Variants in CLEC12A observed in about 807,000 individuals in gnomAD.
CLEC12A encodes the protein C-type lectin domain family 12 member A.
CLEC12A carries 22 observed loss-of-function variants against 26.5 expected under a neutral mutation model. The observed-to-expected ratio is 0.83, with a 90% CI of 0.59 to 1.19. CLEC12A has a LOEUF of 1.19. Ranked by LOEUF, CLEC12A falls within the 50% of genes most tolerant of loss-of-function variation. The pLI is 0.00. For synonymous variants in CLEC12A, 119 were observed against 101.9 expected, an observed-to-expected ratio of 1.17 and a Z score of -1.01; for missense variants, 353 against 315.6, an observed-to-expected ratio of 1.12 and a Z score of -0.90.
At chr12:9,965,662 C>G (rs943619023) in intron 1 of CLEC12A, among the ~76,000 whole-genome samples, 1 of 151,960 alleles carries the variant, frequency 6.6e-6, no homozygotes, top group Non-Finnish European at 1.5e-5. Flanking sequence ...GTTGATAAGG[C>G]ACAGATCCTG....
At chr12:9,957,490 CAA>C (rs58810746) in intron 1 of CLEC12A, among the ~76,000 whole-genome samples, 27 of 125,014 alleles carry the variant, frequency 2.2e-4, no homozygotes, top group South Asian at 5.3e-4. Context: ...GACTTCATCT[CAA>C]AAAAAAAAAA....
chr12:9,974,248 C>A (rs1864244673), intron 1 of CLEC12A, among the ~76,000 whole-genome samples: 1 of 152,184 alleles, frequency 6.6e-6, no homozygotes, highest in Non-Finnish European at 1.5e-5. Context: ...CTTCTCCTGT[C>A]ACCATGCCTG....
chr12:9,975,131 A>T (rs1864285860), intron 1 of CLEC12A, among the ~76,000 whole-genome samples: 1 of 152,182 alleles, frequency 6.6e-6, no homozygotes, highest in Non-Finnish European at 1.5e-5. Flanking sequence ...TAAATTACCC[A>T]GTTGTGGGTA....
downstream of CLEC12A, among the ~76,000 whole-genome samples, chr12:9,990,422 CAA>C (rs746192326): frequency 2.6e-5 from 4 of 152,274 alleles, no homozygotes; most frequent in Middle Eastern, 3.4e-3. Flanking sequence ...TGCAGGCGTT[CAA>C]GACTTCAGTG....
rs1362629106 is a variant in CLEC12A, at chr12:9,971,547, C to A, written c.-50C>A. On this transcript the variant is annotated 5_prime_UTR_variant, in exon 1 of 6. Transcript: ENST00000304361. ...TAACATTCAGCTCTGTTAACTCACT[C>A]ATCTTTTTGTGTTTTTACACTTTGT... is the stretch of plus-strand genomic sequence containing the variant. 8 of 1,580,342 alleles carry A rather than the reference C, an allele frequency of 5.1e-6. No homozygotes were observed. The highest frequency in any genetic ancestry group is 1.2e-5 in the South Asian group (1 of 84,580).
intron 1 of CLEC12A, among the ~76,000 whole-genome samples, chr12:9,954,036 A>C (rs1267383671): frequency 1.5e-4 from 22 of 142,280 alleles, no homozygotes; most frequent in East Asian, 2.0e-4. Flanking sequence ...GTCATCACCA[A>C]TCCCTAATCT....
chr12:9,976,006 G>C lies in CLEC12A; in HGVS notation c.92-2960G>C, dbSNP rs140357699. On this transcript the variant is annotated intron_variant, in intron 1 of 5. Transcript: ENST00000304361. ...GCCTTTGAGTGCACAGAAGTCAAGA[G>C]TTGGGTTTTGGGAACCTCTGTCTAG... 8.2e-3 allele frequency among the ~76,000 whole-genome samples: 1,245 copies of C among 152,342 alleles called. 8 individuals carry two copies. The highest frequency in any genetic ancestry group is 0.013 in the Non-Finnish European group (912 of 68,028).
chr12:9,979,858 C>T (rs1864482167), intron 3 of CLEC12A, among the ~76,000 whole-genome samples: 1 of 152,022 alleles, frequency 6.6e-6, no homozygotes, highest in African/African-American at 2.4e-5. Flanking sequence ...CACCTCTTTA[C>T]AGGTGACTTC....
the CLEC12A span, among the ~76,000 whole-genome samples, chr12:10,001,369 A>G: frequency 2.0e-3 from 311 of 152,302 alleles, 1 homozygote; most frequent in African/African-American, 7.3e-3. Flanking sequence ...TTCCTTTCCT[A>G]TATCTCAGGC....
At chr12:9,995,215 C>A in exon 5 of CLEC12A, 3 of 1,612,956 alleles carry the variant, frequency 1.9e-6, no homozygotes, top group Non-Finnish European at 2.5e-6. Context: ...TCCGACCCAA[C>A]GAATTAAATG....
In CLEC12A at chr12:9,980,681, C is replaced by G. The variant is rs868614121; in HGVS notation, c.479C>G (p.Ala160Gly). 1.9e-6 allele frequency: 3 copies of G among 1,613,658 alleles called. No individual in the cohort carries two copies. Among genetic ancestry groups the G allele is most frequent in the African/African-American group, 1.3e-5 (1 of 74,868 alleles). Residue 160 changes from alanine to glycine, a missense_variant, in exon 4 of 6, where the codon GCC (alanine) becomes GGC (glycine). Physicochemically the swap from Ala to Gly is moderately conservative, Grantham distance 60 (BLOSUM62 0). Coordinates refer to ENST00000304361, the MANE Select transcript of CLEC12A (RefSeq NM_138337.6). ...CAAACATGGCAGGAGAGTAAAATGG[C>G]CTGTGCTGCTCAGAATGCCAGCCTG... ...DVQTWQESKM[A>G]CAAQNASLLK...
downstream of CLEC12A, among the ~76,000 whole-genome samples, chr12:9,996,119 A>G (rs987582497): frequency 6.6e-6 from 1 of 152,220 alleles, no homozygotes; most frequent in Non-Finnish European, 1.5e-5. Context: ...GTGAGACTCA[A>G]AATGGCATTC....
At chr12:9,981,615 A>G (rs1864561223) in intron 4 of CLEC12A, among the ~76,000 whole-genome samples, 1 of 152,164 alleles carries the variant, frequency 6.6e-6, no homozygotes, top group Admixed American at 6.5e-5. Flanking sequence ...TCTGTTCTGT[A>G]ACCACTCACA....
chr12:9,975,906 G>A (rs1336721933), intron 1 of CLEC12A, among the ~76,000 whole-genome samples: 1 of 152,214 alleles, frequency 6.6e-6, no homozygotes, highest in Non-Finnish European at 1.5e-5. Flanking sequence ...ACTAAAAGAG[G>A]CTAAGGTACA....
At chr12:9,999,203 T>C, downstream of CLEC12A, 1 of 760,068 alleles carries the variant, frequency 1.3e-6, no homozygotes, top group East Asian at 2.5e-5. Flanking sequence ...TCTTCCTGTC[T>C]TTAGTAGGGT....
chr12:9,961,805 A>AT (rs1281434371), intron 1 of CLEC12A, among the ~76,000 whole-genome samples: 4 of 152,220 alleles, frequency 2.6e-5, no homozygotes, highest in Non-Finnish European at 4.4e-5. Context: ...ACTGGCCTAC[A>AT]TATGGTTCAG....
At chr12:9,966,347 G>C (rs1051045854) in intron 1 of CLEC12A, among the ~76,000 whole-genome samples, 4 of 152,194 alleles carry the variant, frequency 2.6e-5, no homozygotes, top group Non-Finnish European at 5.9e-5. Flanking sequence ...GTTAAGCCGA[G>C]AAGATCTGGG....
At chr12:9,995,953 G>C (rs904018443), downstream of CLEC12A, among the ~76,000 whole-genome samples, 3 of 152,110 alleles carry the variant, frequency 2.0e-5, no homozygotes, top group Non-Finnish European at 2.9e-5. Flanking sequence ...TCAGCACATA[G>C]TTGCTGAATT....
chr12:10,002,981 A>C, the CLEC12A span, among the ~76,000 whole-genome samples: 22 of 152,332 alleles, frequency 1.4e-4, no homozygotes, highest in African/African-American at 4.8e-4. Flanking sequence ...TGTCCTGTAT[A>C]TATTTTACAC....
Sources: gnomAD v4.1 joint callset for allele counts (sites outside exome capture counted in the v4.1 genomes callset) on GRCh38, gnomAD v4.1.1 for gene constraint, MANE v1.5 for transcripts, NCBI Gene and HGNC (gene_info 2026-07-23, HGNC 2026-07-21) for gene names.